TINCR: variants seen among roughly 807,000 people sequenced by gnomAD.
The protein encoded by TINCR is TINCR ubiquitin domain containing.
chr19:5,564,247 C>T (rs540954284), intron 1 of TINCR, among the ~76,000 whole-genome samples: 2 of 152,210 alleles, frequency 1.3e-5, no homozygotes, highest in Non-Finnish European at 2.9e-5. Context: ...GTACCGTCTG[C>T]GCTGACAGGT....
chr19:5,565,694 A>AG lies in TINCR; in HGVS notation c.260+1970dup, dbSNP rs1467365350. Among the ~76,000 whole-genome samples, 1 of 152,004 alleles carries AG rather than the reference A, an allele frequency of 6.6e-6. No individual in the cohort carries two copies. Among genetic ancestry groups the AG allele is most frequent in the Non-Finnish European group, 1.5e-5 (1 of 67,992 alleles). ...GATCTTCCCTCAAGAGGGCCTGGGG[A>AG]GGGGGCCTCTCCTGCCCCCATTGCA... On this transcript the variant is annotated intron_variant, in intron 1 of 1. Coordinates refer to ENST00000646160, the Ensembl canonical transcript of TINCR. This position sits in a 1 kb window ranked among gnomAD's most constrained non-coding sequence, Gnocchi z 4.0.
rs2052121541 is a variant in TINCR at position 5,565,078 on chromosome 19, A to G, written c.261-2129T>C. Among the ~76,000 whole-genome samples the G allele has an allele frequency of 6.6e-6, 1 of 152,000 alleles. No individual in the cohort carries two copies. Among genetic ancestry groups the G allele is most frequent in the South Asian group, 2.1e-4 (1 of 4,826 alleles). ...ATGGCTCCCACCTCCCTCGGAGTCA[A>G]GGCCCAAGTCCTCCCTGCAGTCCGC... is the stretch of plus-strand genomic sequence containing the variant. On this transcript the variant is annotated intron_variant, in intron 1 of 1. Coordinates refer to ENST00000646160, the Ensembl canonical transcript of TINCR. The surrounding 1 kb of genome is among the most constrained non-coding windows in gnomAD (Gnocchi z 4.0).
chr19:5,567,316 G>C (rs1228076009), intron 1 of TINCR, among the ~76,000 whole-genome samples: 2 of 151,856 alleles, frequency 1.3e-5, no homozygotes. Context: ...TCAGAGACAA[G>C]AGACAGAAAG....
downstream of TINCR, chr19:5,561,013 T>C (rs1327241055): frequency 2.6e-5 from 4 of 153,660 alleles, no homozygotes; most frequent in South Asian, 2.1e-4. Flanking sequence ...AGAGAAGAGG[T>C]TGAAAAGTGC....
At position 5,563,244 on chromosome 19, in the gene TINCR, C is replaced by T. The variant is rs1028525836; in HGVS notation, c.261-295G>A. ...CTGCCGGCAGAGGAGGGACACGCCCCGACTCAGGGGCTCACAGGCGCCCTC... is the reference window on the plus strand; with the variant it reads ...CTGCCGGCAGAGGAGGGACACGCCCTGACTCAGGGGCTCACAGGCGCCCTC... On this transcript the variant is annotated intron_variant, in intron 1 of 1. Transcript: ENST00000646160. The surrounding 1 kb of genome is among the most constrained non-coding windows in gnomAD (Gnocchi z 4.7). 4.6e-5 allele frequency among the ~76,000 whole-genome samples: 7 copies of T among 151,940 alleles called. No homozygotes were observed. The highest frequency in any genetic ancestry group is 3.9e-4 in the East Asian group (2 of 5,142).
downstream of TINCR, chr19:5,559,026 T>A (rs956626952): frequency 1.3e-5 from 2 of 152,290 alleles, no homozygotes; most frequent in Non-Finnish European, 2.9e-5. Flanking sequence ...CAGGTCATCA[T>A]CAAGGGACAG....
At chr19:5,562,447 C>T (rs544674575), downstream of TINCR, 18 of 152,492 alleles carry the variant, frequency 1.2e-4, no homozygotes, top group Admixed American at 1.2e-3. This position sits in a 1 kb window ranked among gnomAD's most constrained non-coding sequence, Gnocchi z 4.4. Flanking sequence ...TGAGACAATA[C>T]ATCTCACTAA....
chr19:5,567,226 G>C (rs1405204607), intron 1 of TINCR, among the ~76,000 whole-genome samples: 1 of 151,786 alleles, frequency 6.6e-6, no homozygotes, highest in Non-Finnish European at 1.5e-5. Flanking sequence ...GAGAGACAAA[G>C]ATGAAAGAGA....
chr19:5,566,443 GAC>G (rs959885852), intron 1 of TINCR, among the ~76,000 whole-genome samples: 1 of 151,668 alleles, frequency 6.6e-6, no homozygotes, highest in South Asian at 2.1e-4. Context: ...GAAATGGAGA[GAC>G]ACACAGAGGA....
intron 1 of TINCR, 42 bp downstream of exon 1, chr19:5,567,623 G>GCCCCCCCC: frequency 3.0e-6 from 1 of 328,344 alleles, no homozygotes; most frequent in Non-Finnish European, 5.5e-6. Context: ...GGGGTCCCCG[G>GCCCCCCCC]CCGCCGCCCC....
chr19:5,566,449 C>T (rs1198976194), intron 1 of TINCR, among the ~76,000 whole-genome samples: 1 of 150,878 alleles, frequency 6.6e-6, no homozygotes, highest in African/African-American at 2.4e-5. Flanking sequence ...GAGAGACACA[C>T]AGAGGAAAGA....
chr19:5,559,043 CATT>C (rs1365323475), downstream of TINCR: 1 of 152,280 alleles, frequency 6.6e-6, no homozygotes, highest in Non-Finnish European at 1.5e-5. Flanking sequence ...ACAGGTCCAA[CATT>C]ATTATTTCAG....
At chr19:5,567,626 G>GCCTACCCCCCCCCCCCCCCC in intron 1 of TINCR, 39 bp downstream of exon 1, 2 of 202,438 alleles carry the variant, frequency 9.9e-6, no homozygotes, top group Non-Finnish European at 9.8e-6. Context: ...GTCCCCGGCC[G>GCCTACCCCCCCCCCCCCCCC]CCGCCCCCGC....
At chr19:5,567,847 C>A in exon 1 of TINCR, 1 of 393,858 alleles carries the variant, frequency 2.5e-6, no homozygotes. Context: ...TCAGCGGTAG[C>A]AGCAGCGCCT....
downstream of TINCR, chr19:5,561,376 A>G (rs925702764): frequency 1.3e-5 from 2 of 153,754 alleles, no homozygotes; most frequent in Non-Finnish European, 2.9e-5. Context: ...CCAGGGTTTC[A>G]TGGTCCACCT....
Position 5,565,587 on chromosome 19 carries a change from C to T in TINCR, c.260+2078G>A, listed in dbSNP as rs1337674630. Among the ~76,000 whole-genome samples the T allele has an allele frequency of 6.6e-6, 1 of 152,120 alleles. No individual in the cohort carries two copies. Among genetic ancestry groups the T allele is most frequent in the East Asian group, 1.9e-4 (1 of 5,184 alleles). On this transcript the variant is annotated intron_variant, in intron 1 of 1. Transcript: ENST00000646160. The surrounding 1 kb of genome is among the most constrained non-coding windows in gnomAD (Gnocchi z 4.0). The stretch of plus-strand genomic sequence containing the variant: ...CAGCCCCCAGACCTCATAGAAGGTA[C>T]GCTGCCGAGAACACCCTCTCCTAGC...
At chr19:5,559,334 CTTTTT>C (rs139980198), downstream of TINCR, 8 of 131,824 alleles carry the variant, frequency 6.1e-5, no homozygotes, top group Non-Finnish European at 8.1e-5. Flanking sequence ...GGCTGTCAAT[CTTTTT>C]TTTTTTTTTT....
chr19:5,567,135 T>C (rs1362053714), intron 1 of TINCR, among the ~76,000 whole-genome samples: 1 of 139,480 alleles, frequency 7.2e-6, no homozygotes, highest in Admixed American at 7.1e-5. Flanking sequence ...GACGCAGAGA[T>C]AAAAGAGACA....
At chr19:5,567,623 G>GCCCCCCCCCCCCCC in intron 1 of TINCR, 42 bp downstream of exon 1, 1 of 328,352 alleles carries the variant, frequency 3.0e-6, no homozygotes, top group Admixed American at 4.9e-5. Context: ...GGGGTCCCCG[G>GCCCCCCCCCCCCCC]CCGCCGCCCC....
Sources: allele counts gnomAD v4.1 joint callset (sites outside exome capture counted in the v4.1 genomes callset), GRCh38; gene constraint gnomAD v4.1.1; non-coding constraint Gnocchi (gnomAD v3.1); transcripts MANE v1.5; gene names NCBI Gene and HGNC (gene_info 2026-07-23, HGNC 2026-07-21).